Variants in PSMD1 observed in about 807,000 individuals in gnomAD.
PSMD1 encodes the protein 26S proteasome non-ATPase regulatory subunit 1.
Under a neutral mutation model 119.0 loss-of-function variants are expected in PSMD1, and 18 were observed. The observed-to-expected ratio is 0.15, with a 90% CI of 0.10 to 0.22. The LOEUF is 0.22. Ranked by LOEUF, PSMD1 falls within the 10% of genes least tolerant of loss-of-function variation. The probability of loss-of-function intolerance (pLI) is 1.00; values close to 1 mark genes in which losing one functional copy is unlikely to be tolerated. For synonymous variants in PSMD1, 374 were observed against 396.6 expected (o/e 0.94, Z 0.68); for missense variants, 702 against 1,158.5 (o/e 0.61, Z 5.72).
At chr2:231,114,000 G>A in intron 16 of PSMD1, 2 of 1,211,766 alleles carry the variant, frequency 1.7e-6, no homozygotes, top group South Asian at 1.3e-5. Flanking sequence ...AGTTTTTCAG[G>A]TGATACATCT....
Position 231,086,093 on chromosome 2 carries a change from C to T in PSMD1, c.1818+979C>T, listed in dbSNP as rs61363754. 4.6e-3 allele frequency among the ~76,000 whole-genome samples: 696 copies of T among 151,438 alleles called. 6 individuals are homozygous for T. Among genetic ancestry groups the T allele is most frequent in the African/African-American group, 0.016 (670 of 41,258 alleles). On this transcript the variant is annotated intron_variant, in intron 15 of 24. Coordinates refer to ENST00000308696, the MANE Select transcript of PSMD1 (RefSeq NM_002807.4). The stretch of plus-strand genomic sequence containing the variant: ...TTTCGCTCTATCATCCAGGCTGGAG[C>T]GCAGTAGCACAATCACAGCTCATTG...
chr2:231,071,106 GT>G lies in PSMD1; in HGVS notation c.654+942del, dbSNP rs1356474274. 5.9e-5 allele frequency among the ~76,000 whole-genome samples: 9 copies of G among 151,860 alleles called. No homozygotes were observed. In the East Asian group the frequency reaches 1.7e-3, roughly 29 times the overall value. On this transcript the variant is annotated intron_variant, in intron 6 of 24. Transcript: ENST00000308696. Reference sequence around the variant, plus strand: ...GTATTTAATAGTGTATTTCCTTTCAGTTTTCTCTACATAGGTTTTCGGAGTT... The same window carrying G: ...GTATTTAATAGTGTATTTCCTTTCAGTTTCTCTACATAGGTTTTCGGAGTT...
At position 231,154,165 on chromosome 2, in the gene PSMD1, C is replaced by G. The variant is rs541590162; in HGVS notation, c.2218+499C>G. 2.0e-3 allele frequency among the ~76,000 whole-genome samples: 287 copies of G among 144,896 alleles called. 3 individuals carry two copies. Among genetic ancestry groups the G allele is most frequent in the Non-Finnish European group, 3.4e-3 (226 of 65,528 alleles). ...ACAGGCTGTTGGCCAGGCACAGTGGCTCATGTCTGTAATCCCAGCACTTTG... is the reference window on the plus strand; with the variant it reads ...ACAGGCTGTTGGCCAGGCACAGTGGGTCATGTCTGTAATCCCAGCACTTTG... On this transcript the variant is annotated intron_variant, in intron 19 of 24. Coordinates refer to ENST00000308696, the MANE Select transcript of PSMD1 (RefSeq NM_002807.4).
intron 6 of PSMD1, among the ~76,000 whole-genome samples, chr2:231,071,871 C>G (rs534281083): frequency 6.6e-6 from 1 of 152,194 alleles, no homozygotes; most frequent in Non-Finnish European, 1.5e-5. Flanking sequence ...TTAAGGAGCA[C>G]TTAGGTATAA....
chr2:231,072,733 TTGGGTTAGATATATC>T (rs1419451409), intron 7 of PSMD1, among the ~76,000 whole-genome samples: 2 of 152,066 alleles, frequency 1.3e-5, no homozygotes, highest in African/African-American at 4.8e-5. Context: ...TTTTAGATAT[TTGGGTTAGATATATC>T]TGGGTTAGAT....
At chr2:231,163,903 C>T (rs1696696448) in intron 21 of PSMD1, among the ~76,000 whole-genome samples, 176 bp downstream of exon 21, 1 of 152,218 alleles carries the variant, frequency 6.6e-6, no homozygotes, top group Non-Finnish European at 1.5e-5. Context: ...ATCCAAGTCT[C>T]ATGTCACAGG....
intron 7 of PSMD1, among the ~76,000 whole-genome samples, chr2:231,073,612 G>C (rs1471843873): frequency 2.0e-5 from 3 of 151,974 alleles, no homozygotes; most frequent in African/African-American, 7.3e-5. Context: ...ATTGAATCTT[G>C]TAATCCAGGA....
chr2:231,062,378 G>T, intron 3 of PSMD1, 57 bp downstream of exon 3: 4 of 1,497,832 alleles, frequency 2.7e-6, no homozygotes, highest in Middle Eastern at 1.7e-4. Flanking sequence ...TTGTGAATGT[G>T]GGTCTTGTGG....
At chr2:231,134,724 A>T (rs1420741550) in intron 16 of PSMD1, among the ~76,000 whole-genome samples, 1 of 152,184 alleles carries the variant, frequency 6.6e-6, no homozygotes, top group African/African-American at 2.4e-5. Context: ...TCCCTCTGCT[A>T]TCAGAATTGT....
chr2:231,127,078 C>T (rs1695741949), intron 16 of PSMD1, among the ~76,000 whole-genome samples: 3 of 151,896 alleles, frequency 2.0e-5, no homozygotes, highest in South Asian at 4.2e-4. Context: ...TGCCTCTCCC[C>T]CTTCTTTAGT....
chr2:231,116,572 C>G (rs914224485), intron 16 of PSMD1, among the ~76,000 whole-genome samples: 1 of 151,896 alleles, frequency 6.6e-6, no homozygotes, highest in Non-Finnish European at 1.5e-5. Flanking sequence ...TAAGAAAATT[C>G]ATATAAAAAG....
chr2:231,138,958 A>T, intron 17 of PSMD1, 108 bp downstream of exon 17: 1 of 841,694 alleles, frequency 1.2e-6, no homozygotes. Flanking sequence ...TGTGATCTGT[A>T]AGAGTAAACT....
chr2:231,105,239 C>T (rs1694949567), intron 16 of PSMD1, among the ~76,000 whole-genome samples: 1 of 152,044 alleles, frequency 6.6e-6, no homozygotes, highest in South Asian at 2.1e-4. Context: ...GATAACTATT[C>T]TTGCTTAATT....
At position 231,165,899 on chromosome 2, in the gene PSMD1, A is replaced by G. The variant is rs1382834746; in HGVS notation, c.2597A>G (p.Glu866Gly). 3.7e-6 allele frequency: 6 copies of G among 1,612,964 alleles called. No homozygotes were observed. Among genetic ancestry groups the G allele is most frequent in the African/African-American group, 1.3e-5 (1 of 74,868 alleles). Residue 866 changes from glutamate (E) to glycine (G), a missense_variant, in exon 23 of 25, where the codon GAG (glutamate) becomes GGG (glycine). Physicochemically the swap from Glu to Gly is moderately conservative, Grantham distance 98 (BLOSUM62 -2). Transcript: ENST00000308696. ...GAGGCAGAGAAAAAGGAGGAAAAAG[A>G]GAAGAAAAAAGAACCTGAGCCAAAC... ...VDEAEKKEEK[E>G]KKKEPEPNFQ...
chr2:231,099,963 A>G (rs1228176542), intron 16 of PSMD1, among the ~76,000 whole-genome samples: 4 of 152,020 alleles, frequency 2.6e-5, no homozygotes, highest in Non-Finnish European at 5.9e-5. Flanking sequence ...GTATGTGAAG[A>G]TCCTTTAAGC....
At chr2:231,061,388 T>G (rs1693754878) in intron 2 of PSMD1, 78 bp downstream of exon 2, 1 of 1,228,950 alleles carries the variant, frequency 8.1e-7, no homozygotes, top group South Asian at 1.4e-5. Flanking sequence ...TCTGTAATCT[T>G]CCATCATTTA....
At chr2:231,140,513 AAAG>A (rs1453743620) in intron 17 of PSMD1, among the ~76,000 whole-genome samples, 2 of 151,394 alleles carry the variant, frequency 1.3e-5, no homozygotes, top group African/African-American at 4.9e-5. Flanking sequence ...AAAAAAAAAA[AAAG>A]AGTGTTGGTA....
At chr2:231,160,165 T>G (rs533513705) in intron 19 of PSMD1, among the ~76,000 whole-genome samples, 1 of 152,354 alleles carries the variant, frequency 6.6e-6, no homozygotes, top group South Asian at 2.1e-4. Context: ...ATATTGTGTT[T>G]CCTTAGAAAA....
chr2:231,138,738 C>A lies in PSMD1; in HGVS notation c.1886C>A (p.Thr629Asn). 1 of 1,611,492 alleles carries A rather than the reference C, an allele frequency of 6.2e-7. No individual in the cohort carries two copies. Among genetic ancestry groups the A allele is most frequent in the African/African-American group, 1.3e-5 (1 of 74,974 alleles). Residue 629 changes from threonine to asparagine, a missense_variant and splice_region_variant, in exon 17 of 25, where the codon ACC (threonine) becomes AAC (asparagine). This residue lies in a region of PSMD1 where 272 missense variants were observed against 511.6 expected (regional missense o/e 0.53). Coordinates refer to ENST00000308696, the MANE Select transcript of PSMD1 (RefSeq NM_002807.4). ...CTTCGCTTTCTGTTTCTTATCAGAA[C>A]CCCTGAACAGTGCCCAAGTGTTGTC... ...VESLGFILFR[T>N]PEQCPSVVSL...
Sources: allele counts gnomAD v4.1 joint callset (sites outside exome capture counted in the v4.1 genomes callset), GRCh38; gene constraint gnomAD v4.1.1; regional missense constraint gnomAD v4.1.1; transcripts MANE v1.5; gene names NCBI Gene and HGNC (gene_info 2026-07-23, HGNC 2026-07-21).